ATG10: variants seen among roughly 807,000 people sequenced by gnomAD.
ATG10 encodes the protein ubiquitin-like-conjugating enzyme ATG10.
A neutral mutation model predicts 32.1 loss-of-function variants in ATG10; 30 were observed. The ratio of observed to expected loss-of-function variants is 0.94; its 90% CI spans 0.70 to 1.27. The LOEUF (loss-of-function observed/expected upper bound fraction) is 1.27, where lower values mean the gene tolerates loss of function less well. Ranked by LOEUF, ATG10 falls within the 50% of genes most tolerant of loss-of-function variation. The pLI is 0.00. For synonymous variants in ATG10, 87 were observed against 91.5 expected (o/e 0.95, Z 0.28); for missense variants, 233 against 262.3 (o/e 0.89, Z 0.77).
intron 2 of ATG10, among the ~76,000 whole-genome samples, chr5:82,040,416 C>T (rs996162579): frequency 3.9e-5 from 6 of 152,264 alleles, no homozygotes; most frequent in African/African-American, 1.2e-4. Flanking sequence ...CATTCTCATG[C>T]ATTACTGGTG....
intron 2 of ATG10, among the ~76,000 whole-genome samples, chr5:82,052,662 G>A (rs1263763036): frequency 2.6e-5 from 4 of 152,082 alleles, no homozygotes; most frequent in African/African-American, 7.2e-5. Flanking sequence ...TGATACCATG[G>A]TCTTGGGTAT....
chr5:82,125,957 C>A (rs1271912902), intron 3 of ATG10, among the ~76,000 whole-genome samples: 1 of 151,670 alleles, frequency 6.6e-6, no homozygotes, highest in Non-Finnish European at 1.5e-5. Context: ...TTTCCTTGAG[C>A]AGTGGTTTGT....
At chr5:82,094,375 G>A (rs1764985972) in intron 3 of ATG10, among the ~76,000 whole-genome samples, 1 of 151,996 alleles carries the variant, frequency 6.6e-6, no homozygotes, top group African/African-American at 2.4e-5. Context: ...TACTTCAGAT[G>A]GCAAGTGATA....
intron 2 of ATG10, among the ~76,000 whole-genome samples, chr5:82,001,243 G>C (rs978521707): frequency 1.3e-5 from 2 of 152,060 alleles, no homozygotes; most frequent in African/African-American, 4.8e-5. Flanking sequence ...ATTCCTGTCA[G>C]TCTACTATCT....
At chr5:82,016,357 T>C (rs1762286255) in intron 2 of ATG10, among the ~76,000 whole-genome samples, 1 of 152,202 alleles carries the variant, frequency 6.6e-6, no homozygotes, top group African/African-American at 2.4e-5. Context: ...CCCCACTTTA[T>C]TTTGTTTGCT....
At chr5:82,202,870 G>T (rs1745123487) in intron 5 of ATG10, among the ~76,000 whole-genome samples, 1 of 152,178 alleles carries the variant, frequency 6.6e-6, no homozygotes, top group African/African-American at 2.4e-5. Context: ...CCATTGCAGT[G>T]CAGGTCTATG....
chr5:82,146,701 T>C (rs1767374271), intron 3 of ATG10, among the ~76,000 whole-genome samples: 1 of 152,018 alleles, frequency 6.6e-6, no homozygotes, highest in African/African-American at 2.4e-5. Context: ...CAGTTTGTTA[T>C]TAATCAGATC....
At chr5:82,156,556 G>A (rs1767806172) in intron 3 of ATG10, among the ~76,000 whole-genome samples, 1 of 152,142 alleles carries the variant, frequency 6.6e-6, no homozygotes, top group Non-Finnish European at 1.5e-5. Flanking sequence ...CTTCCTCCTA[G>A]AGCAGAGGAA....
At chr5:82,075,737 G>T (rs1298166244) in intron 3 of ATG10, among the ~76,000 whole-genome samples, 2 of 152,038 alleles carry the variant, frequency 1.3e-5, no homozygotes, top group Non-Finnish European at 2.9e-5. Context: ...GGAATTCGAG[G>T]CCAGCCTGGC....
At chr5:81,998,256 T>A (rs538060520) in intron 2 of ATG10, among the ~76,000 whole-genome samples, 106 of 152,276 alleles carry the variant, frequency 7.0e-4, no homozygotes, top group African/African-American at 2.4e-3. Context: ...AGAAAAGAAT[T>A]TATAATCAAG....
rs113128198 is a variant in ATG10, at chr5:82,086,453, G to C, written c.216+27851G>C. 2.3e-3 allele frequency among the ~76,000 whole-genome samples: 343 copies of C among 152,308 alleles called. 2 individuals are homozygous for C. The highest frequency in any genetic ancestry group is 7.5e-3 in the African/African-American group (312 of 41,570). On this transcript the variant is annotated intron_variant, in intron 3 of 7. Coordinates refer to ENST00000282185, the MANE Select transcript of ATG10 (RefSeq NM_031482.5). ...ATTTGGCACCTCAGTTGGGATGAGTGGACTAGTTGGGACTGACAGGGCATC... is the reference window on the plus strand; with the variant it reads ...ATTTGGCACCTCAGTTGGGATGAGTCGACTAGTTGGGACTGACAGGGCATC...
chr5:82,130,243 C>T (rs1766466652), intron 3 of ATG10, among the ~76,000 whole-genome samples: 2 of 152,170 alleles, frequency 1.3e-5, no homozygotes, highest in South Asian at 4.1e-4. Flanking sequence ...ATGCTGGCAG[C>T]ATGAATTTCA....
At chr5:82,056,533 A>G (rs1272290168) in intron 2 of ATG10, among the ~76,000 whole-genome samples, 1 of 146,164 alleles carries the variant, frequency 6.8e-6, no homozygotes, top group Non-Finnish European at 1.5e-5. Flanking sequence ...ATTTCATCCC[A>G]TTGGCTGTGA....
At chr5:82,200,463 CTTT>C (rs764388608) in intron 5 of ATG10, among the ~76,000 whole-genome samples, 22 of 52,542 alleles carry the variant, frequency 4.2e-4, no homozygotes, top group African/African-American at 1.2e-3. Flanking sequence ...TCCCTAACTT[CTTT>C]TTTTTTTTTT....
chr5:82,162,355 TTCA>T (rs1323137104), intron 3 of ATG10, among the ~76,000 whole-genome samples: 1 of 152,096 alleles, frequency 6.6e-6, no homozygotes, highest in Non-Finnish European at 1.5e-5. Context: ...TACTTAAAAA[TTCA>T]TCAACAGGCA....
chr5:81,976,941 T>A (rs1760890665), intron 1 of ATG10, among the ~76,000 whole-genome samples: 1 of 152,154 alleles, frequency 6.6e-6, no homozygotes, highest in African/African-American at 2.4e-5. Flanking sequence ...AGTAGTGCAG[T>A]TATGGCTCAC....
chr5:82,080,724 C>A (rs1348872202), intron 3 of ATG10, among the ~76,000 whole-genome samples: 6 of 152,110 alleles, frequency 3.9e-5, no homozygotes, highest in African/African-American at 1.4e-4. Context: ...TGGTCTATAT[C>A]TCTGTTTTGG....
intron 3 of ATG10, among the ~76,000 whole-genome samples, chr5:82,133,256 TA>T (rs1306767895): frequency 1.3e-5 from 2 of 152,120 alleles, no homozygotes; most frequent in African/African-American, 4.8e-5. Context: ...TCCCATTTTT[TA>T]ATTTTGGCTT....
intron 5 of ATG10, among the ~76,000 whole-genome samples, chr5:82,234,130 G>A (rs1746467609): frequency 6.6e-6 from 1 of 152,136 alleles, no homozygotes; most frequent in Non-Finnish European, 1.5e-5. Context: ...AACATTCTGT[G>A]TCCGGTGATA....
Sources: allele counts gnomAD v4.1 joint callset (sites outside exome capture counted in the v4.1 genomes callset), GRCh38; gene constraint gnomAD v4.1.1; transcripts MANE v1.5; gene names NCBI Gene and HGNC (gene_info 2026-07-23, HGNC 2026-07-21).